The following SNX24 variants were observed in gnomAD, a reference collection of about 807,000 sequenced individuals.
The protein encoded by SNX24 is sorting nexin 24, also known as sorting nexin-24.
A neutral mutation model predicts 28.7 loss-of-function variants in SNX24; 22 were observed. That is an observed-to-expected ratio of 0.77 (90% CI 0.55 to 1.10). SNX24 has a LOEUF of 1.10. SNX24 is among the 50% of genes least tolerant of loss of function. SNX24 has a pLI of 0.00. For missense variants in SNX24, 221 were observed against 201.1 expected, an observed-to-expected ratio of 1.10 and a Z score of -0.60; for synonymous variants, 69 against 71.5, an observed-to-expected ratio of 0.96 and a Z score of 0.18.
At chr5:122,922,399 C>T (rs1251858966) in intron 1 of SNX24, among the ~76,000 whole-genome samples, 2 of 151,984 alleles carry the variant, frequency 1.3e-5, no homozygotes, top group South Asian at 2.1e-4. Flanking sequence ...ATTACAGGCA[C>T]GTGCCATCAT....
chr5:122,941,423 C>G (rs1759439589), intron 2 of SNX24, among the ~76,000 whole-genome samples: 1 of 152,170 alleles, frequency 6.6e-6, no homozygotes, highest in Non-Finnish European at 1.5e-5. Context: ...GGCTACCCAC[C>G]TATCTTTGCC....
intron 1 of SNX24, among the ~76,000 whole-genome samples, chr5:122,848,568 G>T (rs1056738809): frequency 1.3e-5 from 2 of 151,628 alleles, no homozygotes; most frequent in African/African-American, 4.8e-5. Context: ...AATTAGCCAG[G>T]CGTGGTGGCG....
At chr5:122,874,450 C>A (rs1204073863) in intron 1 of SNX24, among the ~76,000 whole-genome samples, 1 of 152,154 alleles carries the variant, frequency 6.6e-6, no homozygotes, top group Admixed American at 6.5e-5. Flanking sequence ...GATATCCTGG[C>A]AGAGGGGACT....
chr5:122,922,414 G>A (rs548946291), intron 1 of SNX24, among the ~76,000 whole-genome samples: 5 of 152,034 alleles, frequency 3.3e-5, no homozygotes, highest in East Asian at 3.9e-4. Flanking sequence ...CATCATGCCC[G>A]GCTAATTTTT....
intron 5 of SNX24, among the ~76,000 whole-genome samples, chr5:123,025,608 C>T (rs150403620): frequency 6.6e-5 from 10 of 152,220 alleles, no homozygotes; most frequent in African/African-American, 2.2e-4. Context: ...CTAGCTGCTG[C>T]GCCAATGACC....
intron 1 of SNX24, among the ~76,000 whole-genome samples, chr5:122,926,125 G>A (rs1331582079): frequency 3.3e-5 from 5 of 152,192 alleles, no homozygotes; most frequent in African/African-American, 1.2e-4. Flanking sequence ...TTTAGATGGG[G>A]TGGGTAGATA....
rs566376857 is a variant in SNX24, at chr5:122,910,387, A to G, written c.61-26347A>G. On this transcript the variant is annotated intron_variant, in intron 1 of 6. Coordinates refer to ENST00000261369, the MANE Select transcript of SNX24 (RefSeq NM_014035.4). ...TTCAGGACCAATGTTATTAGAATAT[A>G]GGGAATAGTTCAAAATTAAGGTCAT... Among the ~76,000 whole-genome samples, 7 of 152,300 alleles carry G rather than the reference A, an allele frequency of 4.6e-5. No homozygotes were observed. In the East Asian group the frequency reaches 1.4e-3, roughly 29 times the overall value.
intron 6 of SNX24, among the ~76,000 whole-genome samples, chr5:123,005,867 T>C (rs1434526546): frequency 6.6e-6 from 1 of 152,182 alleles, no homozygotes; most frequent in Non-Finnish European, 1.5e-5. Flanking sequence ...ATATATTTCA[T>C]GAAAAACCAT....
intron 2 of SNX24, among the ~76,000 whole-genome samples, chr5:122,940,515 G>T (rs1581775881): frequency 6.6e-6 from 1 of 152,112 alleles, no homozygotes; most frequent in Non-Finnish European, 1.5e-5. Context: ...CTTAAACCTT[G>T]TATGAGTTTC....
At chr5:122,998,448 A>G (rs191652616) in intron 3 of SNX24, 2 of 152,348 alleles carry the variant, frequency 1.3e-5, no homozygotes, top group South Asian at 2.1e-4. Flanking sequence ...AGTGCCTAAC[A>G]TAATAGATGC....
chr5:123,018,721 C>T (rs943283081), intron 5 of SNX24, among the ~76,000 whole-genome samples: 2 of 151,800 alleles, frequency 1.3e-5, no homozygotes, highest in African/African-American at 2.4e-5. Context: ...GAGTCTCGCT[C>T]TGTTGCCCAG....
chr5:122,937,312 G>A (rs1304080826), intron 2 of SNX24, among the ~76,000 whole-genome samples: 1 of 152,092 alleles, frequency 6.6e-6, no homozygotes, highest in African/African-American at 2.4e-5. Flanking sequence ...AGTTAAAAGA[G>A]GCTCTTAGCC....
chr5:122,964,226 G>A (rs39820), intron 3 of SNX24, among the ~76,000 whole-genome samples: 107,204 of 137,044 alleles, frequency 0.78, 41,943 homozygotes, highest in East Asian at 0.99. Flanking sequence ...CAGCCTGGGC[G>A]ACAAGAACAA....
intron 1 of SNX24, among the ~76,000 whole-genome samples, chr5:122,851,490 T>TA (rs780381245): frequency 6.6e-6 from 1 of 152,208 alleles, no homozygotes; most frequent in Non-Finnish European, 1.5e-5. Flanking sequence ...TTTATAGCTG[T>TA]AAAAATCACA....
At chr5:122,974,091 C>T (rs756528838) in intron 3 of SNX24, among the ~76,000 whole-genome samples, 1 of 152,162 alleles carries the variant, frequency 6.6e-6, no homozygotes, top group African/African-American at 2.4e-5. Context: ...CTACATAGGT[C>T]CACTAGGCAT....
chr5:122,936,634 GTAAT>G (rs1759189618), intron 1 of SNX24, 96 bp from the exon 2 acceptor site: 1 of 653,820 alleles, frequency 1.5e-6, no homozygotes, highest in African/African-American at 1.8e-5. Context: ...ATCAGCTACT[GTAAT>G]TAAAGGGATG....
At chr5:122,996,387 T>G (rs1487505538) in intron 3 of SNX24, among the ~76,000 whole-genome samples, 1 of 152,224 alleles carries the variant, frequency 6.6e-6, no homozygotes, top group Non-Finnish European at 1.5e-5. Flanking sequence ...GGCTGGGCTG[T>G]CAGGGGTCTG....
intron 1 of SNX24, among the ~76,000 whole-genome samples, chr5:122,881,595 G>C (rs988350978): frequency 1.3e-5 from 2 of 152,136 alleles, no homozygotes; most frequent in African/African-American, 4.8e-5. Context: ...CTGACTTAGC[G>C]TGCTTGACTC....
chr5:122,891,152 C>A, intron 1 of SNX24: 1 of 1,435,952 alleles, frequency 7.0e-7, no homozygotes, highest in South Asian at 1.6e-5. Context: ...AAAACTTTAC[C>A]TAGTGTTTTT....
Sources: allele counts gnomAD v4.1 joint callset (sites outside exome capture counted in the v4.1 genomes callset), GRCh38; gene constraint gnomAD v4.1.1; transcripts MANE v1.5; gene names NCBI Gene and HGNC (gene_info 2026-07-23, HGNC 2026-07-21).